Variants in SPIDR observed in about 807,000 individuals in gnomAD.
SPIDR encodes the protein DNA repair-scaffolding protein.
A neutral mutation model predicts 104.6 loss-of-function variants in SPIDR; 93 were observed. The observed-to-expected ratio is 0.89, with a 90% confidence interval of 0.75 to 1.06. The LOEUF (loss-of-function observed/expected upper bound fraction) is 1.06, where lower values mean the gene tolerates loss of function less well. Among genes scored for constraint, SPIDR ranks in the 50% least tolerant of loss-of-function variants. The pLI is 0.00. For missense variants in SPIDR, 1,154 were observed against 1,111.2 expected, an observed-to-expected ratio of 1.04 and a Z score of -0.55; for synonymous variants, 431 against 416.9, an observed-to-expected ratio of 1.03 and a Z score of -0.41.
At chr8:47,454,000 G>T (rs1416096447) in intron 8 of SPIDR, among the ~76,000 whole-genome samples, 16 of 152,192 alleles carry the variant, frequency 1.1e-4, no homozygotes, top group Admixed American at 9.8e-4. Context: ...AGGATGTGGA[G>T]AAATAGGAAC....
At chr8:47,700,566 T>G (rs926011029) in intron 12 of SPIDR, 76 bp downstream of exon 12, 1 of 1,428,980 alleles carries the variant, frequency 7.0e-7, no homozygotes, top group Non-Finnish European at 9.9e-7. Context: ...GTCATCACTG[T>G]CACTCACATG....
rs571009875 is a variant in SPIDR at position 47,437,809 on chromosome 8, A to T, written c.878-2514A>T. ...GTTGGTGGGACTGTAAACTAGTTCA[A>T]CCATTGTGGAAGTCAGTGTGGTGAT... On this transcript the variant is annotated intron_variant, in intron 7 of 19. Transcript: ENST00000297423. Among the ~76,000 whole-genome samples, 26 of 152,232 alleles carry T rather than the reference A, an allele frequency of 1.7e-4. 1 individual carries two copies. Among genetic ancestry groups the T allele is most frequent in the African/African-American group, 6.0e-4 (25 of 41,530 alleles).
intron 7 of SPIDR, among the ~76,000 whole-genome samples, chr8:47,429,068 C>T (rs1413904972): frequency 6.6e-6 from 1 of 152,190 alleles, no homozygotes; most frequent in Non-Finnish European, 1.5e-5. Context: ...AGTCAGGAAA[C>T]AAACTGTGAT....
At chr8:47,309,767 A>C (rs1325676254) in intron 5 of SPIDR, among the ~76,000 whole-genome samples, 1 of 152,156 alleles carries the variant, frequency 6.6e-6, no homozygotes, top group East Asian at 1.9e-4. Flanking sequence ...GGCCAGGCAC[A>C]GTGGCTCACG....
At chr8:47,540,373 T>C (rs2087855737) in intron 8 of SPIDR, among the ~76,000 whole-genome samples, 2 of 152,252 alleles carry the variant, frequency 1.3e-5, no homozygotes, top group African/African-American at 4.8e-5. Context: ...TTTAACTTAC[T>C]TTTGAATTTT....
intron 8 of SPIDR, among the ~76,000 whole-genome samples, chr8:47,490,870 T>A (rs574835043): frequency 6.6e-6 from 1 of 152,214 alleles, no homozygotes; most frequent in South Asian, 2.1e-4. Flanking sequence ...AGGGGAGGGA[T>A]AGCATTATGA....
chr8:47,666,360 T>C (rs927748964), intron 10 of SPIDR, among the ~76,000 whole-genome samples: 2 of 152,226 alleles, frequency 1.3e-5, no homozygotes, highest in African/African-American at 4.8e-5. Context: ...ACTGATGATC[T>C]ATTCCTTATT....
At chr8:47,694,927 C>T (rs1375957048) in intron 11 of SPIDR, among the ~76,000 whole-genome samples, 2 of 152,008 alleles carry the variant, frequency 1.3e-5, no homozygotes, top group Admixed American at 1.3e-4. Context: ...TATTAGATGA[C>T]AACCTAAATA....
intron 10 of SPIDR, among the ~76,000 whole-genome samples, chr8:47,649,697 A>G (rs1240240866): frequency 2.0e-5 from 3 of 152,198 alleles, no homozygotes; most frequent in Admixed American, 1.3e-4. Flanking sequence ...GTATCATGTC[A>G]AGAAGTTACC....
rs367796232 is a variant in SPIDR at position 47,584,155 on chromosome 8, TTTGTG to T, written c.1098-11655_1098-11651del. Reference sequence around the variant, plus strand: ...TCATATCATATTTAGTCACGTTATATTTGTGACTAAAATTTCAGGCTTTTCACATT... The same window carrying T: ...TCATATCATATTTAGTCACGTTATATACTAAAATTTCAGGCTTTTCACATT... On this transcript the variant is annotated intron_variant, in intron 8 of 19. Coordinates refer to ENST00000297423, the MANE Select transcript of SPIDR (RefSeq NM_001080394.4). Among the ~76,000 whole-genome samples the T allele has an allele frequency of 2.8e-4, 42 of 152,336 alleles. No individual in the cohort carries two copies. In the East Asian group the frequency reaches 7.9e-3, roughly 29 times the overall value.
chr8:47,370,206 T>C (rs1288865850), intron 5 of SPIDR, among the ~76,000 whole-genome samples: 2 of 152,288 alleles, frequency 1.3e-5, no homozygotes, highest in East Asian at 1.9e-4. Flanking sequence ...TAACATCTTA[T>C]GGAGAAAGAA....
At chr8:47,455,199 C>T (rs1350050113) in intron 8 of SPIDR, among the ~76,000 whole-genome samples, 1 of 151,774 alleles carries the variant, frequency 6.6e-6, no homozygotes, top group Non-Finnish European at 1.5e-5. Context: ...ATGCATATAA[C>T]GTATAAAGAT....
At chr8:47,452,740 C>A (rs1396501866) in intron 8 of SPIDR, among the ~76,000 whole-genome samples, 3 of 152,078 alleles carry the variant, frequency 2.0e-5, no homozygotes, top group Admixed American at 1.3e-4. Context: ...TTATGACAGA[C>A]CCACAGCCAA....
intron 8 of SPIDR, among the ~76,000 whole-genome samples, chr8:47,517,633 A>G (rs2083365626): frequency 6.6e-6 from 1 of 152,256 alleles, no homozygotes; most frequent in Admixed American, 6.5e-5. Context: ...TCAGAAAAAA[A>G]CATACTTTTA....
At chr8:47,342,242 G>T (rs559683316) in intron 5 of SPIDR, among the ~76,000 whole-genome samples, 5 of 150,074 alleles carry the variant, frequency 3.3e-5, no homozygotes, top group Non-Finnish European at 7.4e-5. Flanking sequence ...CCCCCATGCC[G>T]CCCTACCTGT....
intron 10 of SPIDR, among the ~76,000 whole-genome samples, chr8:47,658,760 C>T (rs2073449943): frequency 6.6e-6 from 1 of 151,706 alleles, no homozygotes; most frequent in South Asian, 2.1e-4. Flanking sequence ...CGTAGCGAAA[C>T]CCCATCTCTA....
At chr8:47,734,827 AAC>A (rs944825143) in intron 19 of SPIDR, among the ~76,000 whole-genome samples, 2 of 152,230 alleles carry the variant, frequency 1.3e-5, no homozygotes, top group African/African-American at 4.8e-5. Flanking sequence ...TCATTACAAA[AAC>A]ACAGAGGATT....
intron 8 of SPIDR, among the ~76,000 whole-genome samples, chr8:47,512,591 T>G (rs2082510565): frequency 6.6e-6 from 1 of 152,136 alleles, no homozygotes; most frequent in Admixed American, 6.6e-5. Context: ...GGCTGGAGCT[T>G]CCCGACAGCC....
At chr8:47,578,325 A>C (rs1444535245) in intron 8 of SPIDR, among the ~76,000 whole-genome samples, 3 of 152,136 alleles carry the variant, frequency 2.0e-5, no homozygotes, top group African/African-American at 7.2e-5. Context: ...ACAAAAAATT[A>C]GCCGGGCATG....
Sources: gnomAD v4.1 joint callset for allele counts (sites outside exome capture counted in the v4.1 genomes callset) on GRCh38, gnomAD v4.1.1 for gene constraint, MANE v1.5 for transcripts, NCBI Gene and HGNC (gene_info 2026-07-23, HGNC 2026-07-21) for gene names.